The following CDKN2B-AS1 variants were observed in gnomAD, a reference collection of about 807,000 sequenced individuals.
CDKN2B-AS1 encodes the protein CDKN2B antisense RNA 1 (non-protein coding).
chr9:22,117,527 G>A (rs1825982926), intron 4 of CDKN2B-AS1: 1 of 152,198 alleles, frequency 6.6e-6, no homozygotes, highest in Non-Finnish European at 1.5e-5. Context: ...GGAGAGGAGA[G>A]GAGGATTCAT....
At chr9:22,028,320 A>G (rs541527920) in intron 1 of CDKN2B-AS1, among the ~76,000 whole-genome samples, 1 of 152,230 alleles carries the variant, frequency 6.6e-6, no homozygotes, top group Non-Finnish European at 1.5e-5. Flanking sequence ...TCTCAGAAAA[A>G]CCTTGGCAGA....
chr9:22,085,319 A>G (rs1269918790), intron 4 of CDKN2B-AS1, among the ~76,000 whole-genome samples: 2 of 152,132 alleles, frequency 1.3e-5, no homozygotes, highest in South Asian at 2.1e-4. Context: ...GCTTATCCCA[A>G]CCCCACCCTG....
In CDKN2B-AS1 at chr9:22,093,857, A is replaced by G. The variant is rs1212067976; in HGVS notation, n.439-33246A>G. Among the ~76,000 whole-genome samples the G allele has an allele frequency of 2.1e-5, 3 of 144,272 alleles. No homozygotes were observed. In the East Asian group the frequency reaches 5.9e-4, roughly 28 times the overall value. 94.6% of individuals were successfully genotyped at this position (144,272 alleles called of 152,430 possible). On this transcript the variant is annotated intron_variant and non_coding_transcript_variant, in intron 4 of 4. Transcript: ENST00000650946. ...TGTTATGTGTGAATTTGATCCTGTC[A>G]TTATGATGTTAGCTGGTTATTTTGC...
chr9:22,124,286 G>T (rs1198907143), intron 4 of CDKN2B-AS1, among the ~76,000 whole-genome samples: 1 of 152,100 alleles, frequency 6.6e-6, no homozygotes, highest in African/African-American at 2.4e-5. Flanking sequence ...ATTAAGAAAG[G>T]GATGGGTAGA....
At chr9:22,115,493 C>T (rs570534040) in intron 4 of CDKN2B-AS1, among the ~76,000 whole-genome samples, 13 of 152,072 alleles carry the variant, frequency 8.5e-5, no homozygotes, top group East Asian at 1.9e-4. Flanking sequence ...GAAGTGATTC[C>T]GAAGAGAAAC....
At chr9:22,092,531 T>A (rs923418467) in intron 4 of CDKN2B-AS1, 2 of 152,222 alleles carry the variant, frequency 1.3e-5, no homozygotes, top group African/African-American at 4.8e-5. Flanking sequence ...GAGATTCAAC[T>A]TCTTCATGGT....
chr9:22,072,949 C>T (rs185244388), intron 4 of CDKN2B-AS1, among the ~76,000 whole-genome samples: 25 of 152,156 alleles, frequency 1.6e-4, no homozygotes, highest in Admixed American at 5.2e-4. Flanking sequence ...AGTATGAAAG[C>T]GTTTATGAGA....
At chr9:22,017,474 A>G (rs1821822723) in intron 1 of CDKN2B-AS1, among the ~76,000 whole-genome samples, 1 of 152,230 alleles carries the variant, frequency 6.6e-6, no homozygotes, top group African/African-American at 2.4e-5. Context: ...TCAGGTGTAC[A>G]CACAGGGTTT....
At chr9:22,092,803 TTTTTTGTGTCTCTA>T (rs1246701353) in intron 4 of CDKN2B-AS1, among the ~76,000 whole-genome samples, 5 of 152,122 alleles carry the variant, frequency 3.3e-5, no homozygotes, top group Admixed American at 3.3e-4. Context: ...TTTTGGAGGG[TTTTTTGTGTCTCTA>T]TTTCCTTCAG....
rs1299698799 is a variant in CDKN2B-AS1 at position 22,095,199 on chromosome 9, G to A, written n.439-31904G>A. Among the ~76,000 whole-genome samples, 10 of 144,936 alleles carry A rather than the reference G, an allele frequency of 6.9e-5. 1 individual carries two copies. Among genetic ancestry groups the A allele is most frequent in the South Asian group, 4.2e-4 (2 of 4,760 alleles). On this transcript the variant is annotated intron_variant and non_coding_transcript_variant, in intron 4 of 4. Transcript: ENST00000650946. ...CTTCGTCTCAGAGGGGTACCCAGCC[G>A]TGTGAGGTGTCAGTCTGCCCCTACT...
At chr9:22,021,674 G>A (rs1822023196) in intron 1 of CDKN2B-AS1, among the ~76,000 whole-genome samples, 1 of 151,982 alleles carries the variant, frequency 6.6e-6, no homozygotes, top group African/African-American at 2.4e-5. Context: ...TTGTTTATCA[G>A]CTTAAGAAGC....
At chr9:22,086,408 T>A (rs1824869666) in intron 4 of CDKN2B-AS1, among the ~76,000 whole-genome samples, 1 of 152,146 alleles carries the variant, frequency 6.6e-6, no homozygotes, top group Non-Finnish European at 1.5e-5. Flanking sequence ...TAACCTCAGT[T>A]TTTTTTGGAG....
At chr9:22,044,917 T>G (rs1043966551) in intron 1 of CDKN2B-AS1, among the ~76,000 whole-genome samples, 2 of 152,040 alleles carry the variant, frequency 1.3e-5, no homozygotes, top group Admixed American at 6.6e-5. Context: ...TACTCTATAT[T>G]CAAGTTATAA....
intron 4 of CDKN2B-AS1, among the ~76,000 whole-genome samples, chr9:22,126,403 T>C (rs1263694654): frequency 6.6e-6 from 1 of 152,190 alleles, no homozygotes; most frequent in Non-Finnish European, 1.5e-5. Context: ...GTCATGTGTA[T>C]GTATTCTTTT....
intron 4 of CDKN2B-AS1, among the ~76,000 whole-genome samples, chr9:22,063,440 T>A (rs1350320881): frequency 2.0e-5 from 3 of 152,194 alleles, no homozygotes; most frequent in Non-Finnish European, 4.4e-5. Flanking sequence ...TTAAAATACC[T>A]ACAAGAGTAG....
chr9:22,063,019 AG>A (rs1282983272), intron 4 of CDKN2B-AS1, among the ~76,000 whole-genome samples: 82 of 150,166 alleles, frequency 5.5e-4, no homozygotes, highest in African/African-American at 1.9e-3. Flanking sequence ...AGAGAGAGAG[AG>A]AGACTTATAA....
intron 4 of CDKN2B-AS1, among the ~76,000 whole-genome samples, chr9:22,125,681 A>G (rs1328564211): frequency 2.0e-5 from 3 of 152,258 alleles, no homozygotes; most frequent in African/African-American, 7.2e-5. Flanking sequence ...TTCAGCAATT[A>G]TGAGCCCTTT....
chr9:21,997,500 AG>A lies in CDKN2B-AS1; in HGVS notation n.29+2340del, dbSNP rs994395318. ...GGGAGGGAGAGAGAGAGAGAGAGAGAGAGAAAGAGAAAGAGAGAAAATACTT... is the reference window on the plus strand; with the variant it reads ...GGGAGGGAGAGAGAGAGAGAGAGAGAAGAAAGAGAAAGAGAGAAAATACTT... On this transcript the variant is annotated intron_variant and non_coding_transcript_variant, in intron 1 of 4. Transcript: ENST00000650946. The surrounding 1 kb of genome is among the most constrained non-coding windows in gnomAD (Gnocchi z 4.8). Among the ~76,000 whole-genome samples, 1 of 151,918 alleles carries A rather than the reference AG, an allele frequency of 6.6e-6. No homozygotes were observed. Among genetic ancestry groups the A allele is most frequent in the African/African-American group, 2.4e-5 (1 of 41,352 alleles).
At chr9:22,069,194 T>C (rs1345631154) in intron 4 of CDKN2B-AS1, among the ~76,000 whole-genome samples, 1 of 152,114 alleles carries the variant, frequency 6.6e-6, no homozygotes, top group East Asian at 1.9e-4. Flanking sequence ...GTCTTGCAGC[T>C]CCCTAAGTAA....
Sources: gnomAD v4.1 joint callset for allele counts (sites outside exome capture counted in the v4.1 genomes callset) on GRCh38, gnomAD v4.1.1 for gene constraint, Gnocchi (gnomAD v3.1) non-coding constraint, MANE v1.5 for transcripts, NCBI Gene and HGNC (gene_info 2026-07-23, HGNC 2026-07-21) for gene names.